MEGF11: variants seen among roughly 807,000 people sequenced by gnomAD.
The protein encoded by MEGF11 is multiple epidermal growth factor-like domains protein 11.
MEGF11 carries 126 observed loss-of-function variants against 146.6 expected under a neutral mutation model. The observed-to-expected ratio is 0.86, with a 90% CI of 0.74 to 1.00. The LOEUF is 1.00. Among genes scored for constraint, MEGF11 ranks in the 50% least tolerant of loss-of-function variants. The pLI is 0.00. For synonymous variants in MEGF11, 532 were observed against 583.4 expected (o/e 0.91, Z 1.27); for missense variants, 1,509 against 1,521.2 (o/e 0.99, Z 0.13).
chr15:66,119,579 GCCCTGTCCCA>G (rs552387442), intron 3 of MEGF11, among the ~76,000 whole-genome samples: 3 of 148,962 alleles, frequency 2.0e-5, no homozygotes, highest in Non-Finnish European at 4.5e-5. Flanking sequence ...TTCTGTGCCC[GCCCTGTCCCA>G]CCCCTCTAAC....
intron 1 of MEGF11, among the ~76,000 whole-genome samples, chr15:66,160,747 T>C (rs1279399642): frequency 6.6e-6 from 1 of 151,342 alleles, no homozygotes; most frequent in Non-Finnish European, 1.5e-5. Flanking sequence ...TGCTCTATTC[T>C]ACTAGGGAGG....
At chr15:66,040,392 C>A (rs1263618727) in intron 5 of MEGF11, 2 of 153,836 alleles carry the variant, frequency 1.3e-5, no homozygotes, top group Admixed American at 6.5e-5. Context: ...TCTTCGTCAG[C>A]ACACTAAAAC....
rs1241410385 is a variant in MEGF11, at chr15:65,897,681, T to C, written c.*253A>G. 1 of 310,504 alleles carries C rather than the reference T, an allele frequency of 3.2e-6. No individual in the cohort carries two copies. The highest frequency in any genetic ancestry group is 5.9e-6 in the Non-Finnish European group (1 of 170,648). The allele number at this position is 310,504 out of a possible 1,614,324, so 19.2% of individuals were successfully genotyped here. A position where few individuals can be genotyped will look rare whatever the true frequency, so the allele number is the denominator to read the frequency against. On this transcript the variant is annotated 3_prime_UTR_variant, in exon 26 of 26. Coordinates refer to ENST00000395614, the MANE Select transcript of MEGF11 (RefSeq NM_001385028.1). ...TAGCTGATGTTGATGAGTAGCTGTA[T>C]CTTAAAATGTTTTAAAAATCATATA...
At chr15:66,108,519 A>C (rs1235573237) in intron 4 of MEGF11, among the ~76,000 whole-genome samples, 3 of 152,192 alleles carry the variant, frequency 2.0e-5, no homozygotes, top group African/African-American at 7.2e-5. Context: ...GTATAGAAAG[A>C]TGTCAGGGAG....
chr15:66,192,035 G>A (rs1213495691), intron 1 of MEGF11, among the ~76,000 whole-genome samples: 1 of 152,072 alleles, frequency 6.6e-6, no homozygotes, highest in Non-Finnish European at 1.5e-5. Flanking sequence ...CCGAGATCAC[G>A]CCACTGCACT....
chr15:66,053,030 G>A (rs1167388650), intron 5 of MEGF11, among the ~76,000 whole-genome samples: 1 of 152,192 alleles, frequency 6.6e-6, no homozygotes, highest in Non-Finnish European at 1.5e-5. Flanking sequence ...ATGGGCAGAT[G>A]AATGGACAAG....
intron 15 of MEGF11, 80 bp from the exon 16 acceptor site, chr15:65,918,174 T>C: frequency 1.9e-6 from 3 of 1,580,420 alleles, no homozygotes; most frequent in Non-Finnish European, 2.6e-6. Flanking sequence ...TCCCTAGAAG[T>C]TCCCAAGCCA....
intron 5 of MEGF11, among the ~76,000 whole-genome samples, chr15:66,056,233 C>A (rs954001002): frequency 2.0e-5 from 3 of 148,852 alleles, no homozygotes; most frequent in Admixed American, 6.8e-5. Flanking sequence ...CATTTGATTT[C>A]TTGCTGTTCT....
In MEGF11 at chr15:66,104,964, G is replaced by A. The variant is rs141653746; in HGVS notation, c.302-10470C>T. On this transcript the variant is annotated intron_variant, in intron 4 of 25. Coordinates refer to ENST00000395614, the MANE Select transcript of MEGF11 (RefSeq NM_001385028.1). ...AGACAACAAATGCTGCTTAGTGCCC[G>A]GGTACTGCAGAAACCCCTCCAACCA... Among the ~76,000 whole-genome samples, 445 of 152,180 alleles carry A rather than the reference G, an allele frequency of 2.9e-3. 2 individuals are homozygous for A. The highest frequency in any genetic ancestry group is 9.8e-3 in the African/African-American group (406 of 41,506).
chr15:65,969,487 G>T (rs1410776926), intron 8 of MEGF11, among the ~76,000 whole-genome samples: 1 of 152,156 alleles, frequency 6.6e-6, no homozygotes, highest in Non-Finnish European at 1.5e-5. Context: ...ATGAACACTG[G>T]CTCACAAAGA....
intron 1 of MEGF11, among the ~76,000 whole-genome samples, chr15:66,208,579 G>A (rs565905530): frequency 6.4e-4 from 97 of 152,342 alleles, no homozygotes; most frequent in African/African-American, 2.2e-3. Context: ...GATTGGCAAA[G>A]TGGATTTAAA....
At chr15:65,928,990 A>G (rs769672686) in intron 12 of MEGF11, among the ~76,000 whole-genome samples, 25 of 152,206 alleles carry the variant, frequency 1.6e-4, no homozygotes, top group African/African-American at 5.3e-4. Flanking sequence ...TTAGGTATCA[A>G]GAGCCTCATA....
At chr15:66,044,358 T>C (rs999892120) in intron 5 of MEGF11, among the ~76,000 whole-genome samples, 2 of 152,194 alleles carry the variant, frequency 1.3e-5, no homozygotes, top group Non-Finnish European at 2.9e-5. Context: ...AATCCATCCA[T>C]CACCTGCTCA....
chr15:66,059,598 C>A (rs899567357), intron 5 of MEGF11, among the ~76,000 whole-genome samples: 3 of 152,048 alleles, frequency 2.0e-5, no homozygotes, highest in Admixed American at 2.0e-4. Flanking sequence ...CCCAGAGACC[C>A]CCCACAGCGC....
At chr15:66,091,295 G>A (rs1459026503) in intron 5 of MEGF11, among the ~76,000 whole-genome samples, 1 of 152,186 alleles carries the variant, frequency 6.6e-6, no homozygotes, top group Non-Finnish European at 1.5e-5. Context: ...GAGGAAAGCT[G>A]GTAACAATTT....
chr15:66,147,922 G>A lies in MEGF11; in HGVS notation c.-8-19511C>T, dbSNP rs188589930. Among the ~76,000 whole-genome samples, 408 of 152,336 alleles carry A rather than the reference G, an allele frequency of 2.7e-3. 1 individual carries two copies. The highest frequency in any genetic ancestry group is 9.3e-3 in the African/African-American group (388 of 41,566). On this transcript the variant is annotated intron_variant, in intron 1 of 25. Transcript: ENST00000395614. ...GAATGCTCATTAATAGGGGAATGAT[G>A]TTTTAATGATGGACATTCACACCAT...
At chr15:65,979,117 A>G (rs2081549254) in intron 7 of MEGF11, among the ~76,000 whole-genome samples, 1 of 152,164 alleles carries the variant, frequency 6.6e-6, no homozygotes, top group South Asian at 2.1e-4. Context: ...GTTCTGTGAA[A>G]CACAGAAGGA....
At chr15:65,904,258 T>G (rs745502026) in intron 24 of MEGF11, among the ~76,000 whole-genome samples, 1 of 152,192 alleles carries the variant, frequency 6.6e-6, no homozygotes, top group Non-Finnish European at 1.5e-5. Context: ...CCAATCCTTA[T>G]ACCTTTTTGA....
At chr15:66,064,450 A>G (rs527637149) in intron 5 of MEGF11, among the ~76,000 whole-genome samples, 14 of 152,306 alleles carry the variant, frequency 9.2e-5, no homozygotes, top group Middle Eastern at 6.8e-3. Flanking sequence ...AATACTCACT[A>G]CAACAGAATT....
Sources: gnomAD v4.1 joint callset for allele counts (sites outside exome capture counted in the v4.1 genomes callset) on GRCh38, gnomAD v4.1.1 for gene constraint, MANE v1.5 for transcripts, NCBI Gene and HGNC (gene_info 2026-07-23, HGNC 2026-07-21) for gene names.